Variants in SMOC2 observed in about 807,000 individuals in gnomAD.
SMOC2 encodes SPARC related modular calcium binding 2, also known as SPARC-related modular calcium-binding protein 2.
A neutral mutation model predicts 61.4 loss-of-function variants in SMOC2; 39 were observed. The observed-to-expected ratio is 0.64, with a 90% CI of 0.49 to 0.83. The LOEUF is 0.83. Among genes scored for constraint, SMOC2 ranks in the 40% least tolerant of loss-of-function variants. The pLI, the probability that SMOC2 is intolerant of heterozygous loss-of-function variation, is 0.00. For synonymous variants in SMOC2, 247 were observed against 239.9 expected (o/e 1.03, Z -0.27); for missense variants, 556 against 592.9 (o/e 0.94, Z 0.65).
chr6:168,613,106 C>T (rs755527029), intron 9 of SMOC2, among the ~76,000 whole-genome samples: 18 of 152,186 alleles, frequency 1.2e-4, no homozygotes, highest in Non-Finnish European at 2.6e-4. Context: ...TTTCAGTCTA[C>T]ACTGGCAGGG....
rs969948671 is a variant in SMOC2 at position 168,475,814 on chromosome 6, C to T, written c.85-34101C>T. On this transcript the variant is annotated intron_variant, in intron 1 of 12. Coordinates refer to ENST00000356284, the MANE Select transcript of SMOC2 (RefSeq NM_001166412.2). The surrounding 1 kb of genome is among the most constrained non-coding windows in gnomAD (Gnocchi z 4.6). Reference sequence around the variant, plus strand: ...GTCTCCGGAGCCAGTGGGTGGGAGCCGCAGGGCTGGGCAGTGGGCACAGGT... The same window carrying T: ...GTCTCCGGAGCCAGTGGGTGGGAGCTGCAGGGCTGGGCAGTGGGCACAGGT... Among the ~76,000 whole-genome samples, 1 of 151,946 alleles carries T rather than the reference C, an allele frequency of 6.6e-6. No homozygotes were observed. Among genetic ancestry groups the T allele is most frequent in the African/African-American group, 2.4e-5 (1 of 41,396 alleles).
chr6:168,502,933 A>G (rs1371169462), intron 1 of SMOC2, among the ~76,000 whole-genome samples: 1 of 150,952 alleles, frequency 6.6e-6, no homozygotes, highest in African/African-American at 2.4e-5. Context: ...CGCCTGGCTA[A>G]TTTTTTGTAT....
chr6:168,518,929 G>A (rs1474300552), intron 2 of SMOC2, among the ~76,000 whole-genome samples: 7 of 150,756 alleles, frequency 4.6e-5, no homozygotes, highest in South Asian at 2.1e-4. Context: ...ATGAGTGTGC[G>A]TGCATATGCT....
intron 7 of SMOC2, among the ~76,000 whole-genome samples, chr6:168,586,121 G>T (rs1785043003): frequency 6.6e-6 from 1 of 151,862 alleles, no homozygotes; most frequent in Non-Finnish European, 1.5e-5. Flanking sequence ...TATATTTTTA[G>T]CTTTTATGTT....
intron 1 of SMOC2, among the ~76,000 whole-genome samples, chr6:168,472,099 G>C (rs925406465): frequency 1.3e-5 from 2 of 152,138 alleles, no homozygotes; most frequent in African/African-American, 4.8e-5. Context: ...TGCTTTTGGG[G>C]TCATAGCCAG....
chr6:168,633,355 G>A (rs901966112), intron 9 of SMOC2, among the ~76,000 whole-genome samples: 32 of 152,152 alleles, frequency 2.1e-4, no homozygotes, highest in Admixed American at 5.9e-4. Flanking sequence ...GAGCTCTATA[G>A]ATGGTCCAAG....
chr6:168,570,097 C>T (rs985217955), intron 7 of SMOC2, among the ~76,000 whole-genome samples: 9 of 151,018 alleles, frequency 6.0e-5, no homozygotes, highest in Middle Eastern at 3.5e-3. Flanking sequence ...GGCATCACGT[C>T]ACCTTGCTTC....
intron 9 of SMOC2, among the ~76,000 whole-genome samples, chr6:168,611,272 CGTG>C (rs1785855799): frequency 2.1e-5 from 2 of 93,118 alleles, no homozygotes; most frequent in South Asian, 4.6e-4. Context: ...CGGGACCCAC[CGTG>C]GCTCCCGTGT....
chr6:168,661,116 AT>A (rs35988026), intron 11 of SMOC2, among the ~76,000 whole-genome samples: 107,950 of 150,656 alleles, frequency 0.72, 39,319 homozygotes, highest in Non-Finnish European at 0.77. Context: ...TCCTTACAGA[AT>A]TTTTTTTTTT....
At chr6:168,468,322 A>G (rs1012969636) in intron 1 of SMOC2, among the ~76,000 whole-genome samples, 1 of 152,218 alleles carries the variant, frequency 6.6e-6, no homozygotes, top group Non-Finnish European at 1.5e-5. Flanking sequence ...CCGGAAGCAC[A>G]TGTTCTAAAG....
At chr6:168,510,997 G>A (rs974039333) in intron 2 of SMOC2, among the ~76,000 whole-genome samples, 12 of 152,274 alleles carry the variant, frequency 7.9e-5, no homozygotes, top group East Asian at 1.9e-4. Context: ...GTCCCATAAC[G>A]TTGTAATGGA....
At position 168,512,961 on chromosome 6, in the gene SMOC2, C is replaced by T. The variant is rs192948092; in HGVS notation, c.256+2875C>T. 9.8e-5 allele frequency among the ~76,000 whole-genome samples: 15 copies of T among 152,326 alleles called. 1 individual carries two copies. The South Asian group carries it at 2.9e-3, about 29-fold the overall frequency. On this transcript the variant is annotated intron_variant, in intron 2 of 12. Transcript: ENST00000356284. ...GAAAGATCTATATATATACAAATTT[C>T]ACTGTAGTAGAAAAATAGTTTAAAG... is the stretch of plus-strand genomic sequence containing the variant.
intron 1 of SMOC2, among the ~76,000 whole-genome samples, chr6:168,460,581 AG>A (rs1301387429): frequency 1.3e-5 from 2 of 152,184 alleles, no homozygotes; most frequent in Admixed American, 6.5e-5. Flanking sequence ...ATTTTATAAT[AG>A]GGCATCTGAG....
chr6:168,578,884 C>T (rs1356459821), intron 7 of SMOC2, among the ~76,000 whole-genome samples: 3 of 152,164 alleles, frequency 2.0e-5, no homozygotes, highest in Non-Finnish European at 2.9e-5. Flanking sequence ...GGGATCGCTG[C>T]GTGGTAAAAT....
chr6:168,610,124 G>A (rs1785816556), intron 9 of SMOC2, among the ~76,000 whole-genome samples: 1 of 152,184 alleles, frequency 6.6e-6, no homozygotes, highest in Admixed American at 6.5e-5. Flanking sequence ...TTCTCTGAGT[G>A]TCAGAGGTGC....
intron 10 of SMOC2, among the ~76,000 whole-genome samples, chr6:168,650,984 T>A (rs140640236): frequency 7.3e-4 from 111 of 152,336 alleles, no homozygotes; most frequent in African/African-American, 2.6e-3. Context: ...AACACTCCCA[T>A]AGGGGTACAT....
At chr6:168,538,840 G>A (rs1344904753) in intron 4 of SMOC2, among the ~76,000 whole-genome samples, 1 of 151,968 alleles carries the variant, frequency 6.6e-6, no homozygotes, top group Non-Finnish European at 1.5e-5. Flanking sequence ...GGGGAGTGGG[G>A]TGACCCCTGC....
chr6:168,509,761 C>T (rs1421800493), intron 1 of SMOC2, among the ~76,000 whole-genome samples, 154 bp from the exon 2 acceptor site: 1 of 152,162 alleles, frequency 6.6e-6, no homozygotes, highest in Non-Finnish European at 1.5e-5. Flanking sequence ...TTCAGAGGTG[C>T]ACGTGGCGCT....
At chr6:168,515,904 G>A (rs1783120408) in intron 2 of SMOC2, among the ~76,000 whole-genome samples, 1 of 152,250 alleles carries the variant, frequency 6.6e-6, no homozygotes. Flanking sequence ...GAAGGTAAAA[G>A]AGGGAGCACA....
Sources: gnomAD v4.1 joint callset for allele counts (sites outside exome capture counted in the v4.1 genomes callset) on GRCh38, gnomAD v4.1.1 for gene constraint, Gnocchi (gnomAD v3.1) non-coding constraint, MANE v1.5 for transcripts, NCBI Gene and HGNC (gene_info 2026-07-23, HGNC 2026-07-21) for gene names.